Variants in C6orf132 observed in about 807,000 individuals in gnomAD.
The protein encoded by C6orf132 is chromosome 6 open reading frame 132.
Under a neutral mutation model 65.3 loss-of-function variants are expected in C6orf132, and 43 were observed. The observed-to-expected ratio is 0.66, with a 90% CI of 0.52 to 0.85. The LOEUF is 0.85. Among genes scored for constraint, C6orf132 ranks in the 40% least tolerant of loss-of-function variants. The pLI, the probability that C6orf132 is intolerant of heterozygous loss-of-function variation, is 0.00. For synonymous variants in C6orf132, 631 were observed against 654.1 expected, an observed-to-expected ratio of 0.96 and a Z score of 0.54; for missense variants, 1,488 against 1,548.8, an observed-to-expected ratio of 0.96 and a Z score of 0.66.
rs1766325905 is a variant in C6orf132 at position 42,103,329 on chromosome 6, G to A, written c.*432C>T. 2.5e-6 allele frequency: 1 copy of A among 397,364 alleles called. No individual in the cohort carries two copies. 24.6% of individuals were successfully genotyped at this position (397,364 alleles called of 1,614,324 possible). On this transcript the variant is annotated 3_prime_UTR_variant, in exon 5 of 5. Coordinates refer to ENST00000341865, the MANE Select transcript of C6orf132 (RefSeq NM_001164446.3). ...AGAGCTGGGCCTCAGCCCTTTGCAA[G>A]GGCCTGACAGGCAATCACAGCTATC... is the stretch of plus-strand genomic sequence containing the variant.
chr6:42,104,329 C>T lies in C6orf132; in HGVS notation c.3449+134G>A. On this transcript the variant is annotated intron_variant, in intron 4 of 4. Coordinates refer to ENST00000341865, the MANE Select transcript of C6orf132 (RefSeq NM_001164446.3). This position sits in a 1 kb window ranked among gnomAD's most constrained non-coding sequence, Gnocchi z 4.1. ...CGCCCTCTCCCGGTAAGTGGGCCTC[C>T]CTCCCGCGTTCTACCTGCAAGGCCG... 8.2e-7 allele frequency: 1 copy of T among 1,218,436 alleles called. No individual in the cohort carries two copies. The highest frequency in any genetic ancestry group is 1.0e-6 in the Non-Finnish European group (1 of 978,360). 75.5% of individuals were successfully genotyped at this position (1,218,436 alleles called of 1,614,324 possible). A position where few individuals can be genotyped will look rare whatever the true frequency, so the allele number is the denominator to read the frequency against.
chr6:42,124,804 G>C lies in C6orf132; in HGVS notation c.252+3868C>G, dbSNP rs1476176227. Among the ~76,000 whole-genome samples the C allele has an allele frequency of 6.6e-6, 1 of 152,228 alleles. No homozygotes were observed. Among genetic ancestry groups the C allele is most frequent in the African/African-American group, 2.4e-5 (1 of 41,464 alleles). Reference sequence around the variant, plus strand: ...GACCTGGCTAGGGCCTACAGGAGAGGAGTCAGAAGCTCAGACAGGAGAGAA... The same window carrying C: ...GACCTGGCTAGGGCCTACAGGAGAGCAGTCAGAAGCTCAGACAGGAGAGAA... On this transcript the variant is annotated intron_variant, in intron 2 of 4. Coordinates refer to ENST00000341865, the MANE Select transcript of C6orf132 (RefSeq NM_001164446.3). The surrounding 1 kb of genome is among the most constrained non-coding windows in gnomAD (Gnocchi z 4.0).
chr6:42,128,117 A>G (rs531732539), intron 2 of C6orf132, among the ~76,000 whole-genome samples: 1,876 of 151,506 alleles, frequency 0.012, 18 homozygotes, highest in Middle Eastern at 0.034. Context: ...TAGTAGAGAC[A>G]GGGTTTCACC....
intron 3 of C6orf132, among the ~76,000 whole-genome samples, chr6:42,109,573 G>A (rs547120464): frequency 6.6e-6 from 1 of 152,294 alleles, no homozygotes; most frequent in Non-Finnish European, 1.5e-5. Flanking sequence ...GGTCTGCAGT[G>A]CAAAGACCCC....
chr6:42,139,804 C>A (rs1767005515), intron 1 of C6orf132, among the ~76,000 whole-genome samples: 2 of 152,150 alleles, frequency 1.3e-5, no homozygotes, highest in African/African-American at 4.8e-5. Context: ...AGATTGGACA[C>A]CCTGTTTAGA....
intron 3 of C6orf132, among the ~76,000 whole-genome samples, chr6:42,108,047 C>G (rs536350183): frequency 2.6e-5 from 4 of 152,272 alleles, no homozygotes; most frequent in Middle Eastern, 3.4e-3. Context: ...TGTCACTGTC[C>G]CCAGGAGACA....
At chr6:42,123,649 G>A (rs913829694) in intron 2 of C6orf132, among the ~76,000 whole-genome samples, 8 of 152,082 alleles carry the variant, frequency 5.3e-5, no homozygotes, top group Admixed American at 1.3e-4. Context: ...TGCTCTCTGG[G>A]CCCAGTCTTC....
In C6orf132 at chr6:42,104,627, C is replaced by G; in HGVS notation, c.3285G>C (p.Gln1095His). The G allele has an allele frequency of 7.2e-7, 1 of 1,392,510 alleles. No individual in the cohort carries two copies. 86.3% of individuals were successfully genotyped at this position (1,392,510 alleles called of 1,614,324 possible). A position where few individuals can be genotyped will look rare whatever the true frequency, so the allele number is the denominator to read the frequency against. ...CGCGCCGCATCTCGGGGCCTCCGGGCTGCGGCCCGAAGCAGTTGGGAGAGC... is the reference window on the plus strand; with the variant it reads ...CGCGCCGCATCTCGGGGCCTCCGGGGTGCGGCCCGAAGCAGTTGGGAGAGC... ...SLSSPNCFGP[Q>H]PGGPEMRRVN... The change falls in exon 4 of 5, where the codon CAG (glutamine) becomes CAC (histidine). Residue 1095 changes from glutamine to histidine, a missense_variant. Physicochemically the swap from Gln to His is conservative, Grantham distance 24 (BLOSUM62 0). Transcript: ENST00000341865. This position sits in a 1 kb window ranked among gnomAD's most constrained non-coding sequence, Gnocchi z 4.1.
At chr6:42,119,627 G>T (rs368279430) in intron 2 of C6orf132, among the ~76,000 whole-genome samples, 1 of 151,916 alleles carries the variant, frequency 6.6e-6, no homozygotes, top group South Asian at 2.1e-4. Context: ...GATTACAGGC[G>T]TGAGCCACTG....
At position 42,104,409 on chromosome 6, in the gene C6orf132, C is replaced by T. The variant is rs1230036943; in HGVS notation, c.3449+54G>A. On this transcript the variant is annotated intron_variant, in intron 4 of 4. Coordinates refer to ENST00000341865, the MANE Select transcript of C6orf132 (RefSeq NM_001164446.3). The surrounding 1 kb of genome is among the most constrained non-coding windows in gnomAD (Gnocchi z 4.1). ...CGGATGGCCGGGACTCCTTGGCCCT[C>T]GCCTGGCTTTCCACCCCTCCTGGCT... The T allele has an allele frequency of 1.6e-6, 2 of 1,228,208 alleles. No individual in the cohort carries two copies. The highest frequency in any genetic ancestry group is 4.2e-5 in the South Asian group (1 of 23,856). 76.1% of individuals were successfully genotyped at this position (1,228,208 alleles called of 1,614,324 possible). A position where few individuals can be genotyped will look rare whatever the true frequency, so the allele number is the denominator to read the frequency against.
chr6:42,128,675 C>A lies in C6orf132; in HGVS notation c.249G>T (p.Pro83=), dbSNP rs768243605. Residue 83 remains proline (P), a synonymous_variant, in exon 2 of 5, where the codon CCG becomes CCT. Transcript: ENST00000341865. ...PRVRPLLTFL[P]LNAQENHGLA... is the part of the protein sequence containing the mutation. Reference sequence around the variant, plus strand: ...CTCAGAGCAGAACCGTACTCACCAGCGGAAGGAAGGTCAGCAGGGGCCGGA... The same window carrying A: ...CTCAGAGCAGAACCGTACTCACCAGAGGAAGGAAGGTCAGCAGGGGCCGGA... The A allele has an allele frequency of 7.1e-6, 11 of 1,550,550 alleles. No individual in the cohort carries two copies. Among genetic ancestry groups the A allele is most frequent in the Admixed American group, 2.0e-5 (1 of 50,976 alleles).
intron 1 of C6orf132, among the ~76,000 whole-genome samples, chr6:42,139,347 A>G (rs7750372): frequency 0.28 from 41,873 of 152,156 alleles, 5,965 homozygotes; most frequent in African/African-American, 0.33. Context: ...GAAGCAGGCA[A>G]GGGCAGGAAG....
intron 3 of C6orf132, 21 bp from the exon 4 acceptor site, chr6:42,107,604 G>C: frequency 1.3e-6 from 2 of 1,550,658 alleles, no homozygotes; most frequent in South Asian, 2.4e-5. Context: ...GAGAGGCAAA[G>C]ATGGGGGGCA....
At chr6:42,130,854 A>T (rs1330287544) in intron 1 of C6orf132, among the ~76,000 whole-genome samples, 5 of 151,340 alleles carry the variant, frequency 3.3e-5, no homozygotes, top group Non-Finnish European at 7.4e-5. Context: ...GGCTGTCCTC[A>T]AAAGCCTTGT....
chr6:42,132,864 A>AAAAAGAAAAGAAAAGAAAAGAAAAG lies in C6orf132; in HGVS notation c.146-4111_146-4087dup, dbSNP rs1169218182. 4.4e-4 allele frequency among the ~76,000 whole-genome samples: 66 copies of AAAAAGAAAAGAAAAGAAAAGAAAAG among 148,662 alleles called. 1 individual carries two copies. Among genetic ancestry groups the AAAAAGAAAAGAAAAGAAAAGAAAAG allele is most frequent in the African/African-American group, 1.7e-3 (65 of 38,848 alleles). ...AGAGTGAGACTCTGTCTCAAAAAAA[A>AAAAAGAAAAGAAAAGAAAAGAAAAG]AAAAGAAAAGAAAAGAAAAGAAAAG... On this transcript the variant is annotated intron_variant, in intron 1 of 4. Coordinates refer to ENST00000341865, the MANE Select transcript of C6orf132 (RefSeq NM_001164446.3).
chr6:42,106,660 G>A lies in C6orf132; in HGVS notation c.1252C>T (p.Pro418Ser). The part of the protein sequence containing the change: ...PPLPPAAPPL[P>S]CAQKAAHPPA... Reference sequence around the variant, plus strand: ...GGATGGGCTGCCTTCTGAGCACAGGGCAAAGGAGGTGCAGCTGGGGGAAGT... The same window carrying A: ...GGATGGGCTGCCTTCTGAGCACAGGACAAAGGAGGTGCAGCTGGGGGAAGT... Residue 418 changes from proline to serine, a missense_variant, in exon 4 of 5, where the codon CCC (proline) becomes TCC (serine). By Grantham distance (74) the Pro-to-Ser change is moderately conservative (BLOSUM62 -1). Coordinates refer to ENST00000341865, the MANE Select transcript of C6orf132 (RefSeq NM_001164446.3). 2.7e-6 allele frequency: 4 copies of A among 1,498,996 alleles called. No homozygotes were observed. The highest frequency in any genetic ancestry group is 3.5e-6 in the Non-Finnish European group (4 of 1,127,152). The allele number at this position is 1,498,996 out of a possible 1,614,324, so 92.9% of individuals were successfully genotyped here.
intron 1 of C6orf132, among the ~76,000 whole-genome samples, chr6:42,137,816 C>CG (rs1224570908): frequency 1.1e-4 from 5 of 43,950 alleles, no homozygotes; most frequent in Non-Finnish European, 2.5e-4. Context: ...GAGGCAGGGG[C>CG]GGGGGCGGGG....
At position 42,105,893 on chromosome 6, in the gene C6orf132, G is replaced by A. The variant is rs554302403; in HGVS notation, c.2019C>T (p.Leu673=). 5.2e-6 allele frequency: 8 copies of A among 1,537,234 alleles called. No homozygotes were observed. In the South Asian group the frequency reaches 9.5e-5, roughly 18 times the overall value. The part of the protein sequence containing the change: ...PKATLGPATP[L]KATSGPTTPL... ...GTGTGGTTGGCCCAGATGTGGCCTT[G>A]AGTGGTGTGGCTGGCCCAAGTGTGG... The change falls in exon 4 of 5, where the codon CTC becomes CTT. Residue 673 remains leucine (L), a synonymous_variant. Transcript: ENST00000341865.
At chr6:42,131,985 G>T (rs1240840821) in intron 1 of C6orf132, among the ~76,000 whole-genome samples, 1 of 152,156 alleles carries the variant, frequency 6.6e-6, no homozygotes, top group Admixed American at 6.5e-5. Flanking sequence ...TGATACGGGA[G>T]CAGAGGTGGG....
Sources: gnomAD v4.1 joint callset for allele counts (sites outside exome capture counted in the v4.1 genomes callset) on GRCh38, gnomAD v4.1.1 for gene constraint, Gnocchi (gnomAD v3.1) non-coding constraint, MANE v1.5 for transcripts, NCBI Gene and HGNC (gene_info 2026-07-23, HGNC 2026-07-21) for gene names.